SH3GL3: variants seen among roughly 807,000 people sequenced by gnomAD.
The protein encoded by SH3GL3 is SH3 domain containing GRB2 like 3, endophilin A3, also known as endophilin-A3.
In SH3GL3, 33 loss-of-function variants were observed where a neutral mutation model predicts 47.7. The ratio of observed to expected loss-of-function variants is 0.69; its 90% CI spans 0.52 to 0.92. SH3GL3 has a LOEUF of 0.92. SH3GL3 is among the 40% of genes least tolerant of loss of function. The pLI, the probability that SH3GL3 is intolerant of heterozygous loss-of-function variation, is 0.00. For synonymous variants in SH3GL3, 155 were observed against 148.8 expected (o/e 1.04, Z -0.30); for missense variants, 363 against 417.8 (o/e 0.87, Z 1.14).
At chr15:83,566,363 A>AGTGT (rs1420988424) in intron 3 of SH3GL3, among the ~76,000 whole-genome samples, 4,083 of 127,736 alleles carry the variant, frequency 0.032, 63 homozygotes, top group Non-Finnish European at 0.043. Flanking sequence ...AGAGAGAGAG[A>AGTGT]GAGTGTGTGT....
At chr15:83,568,695 G>T in intron 4 of SH3GL3, 23 bp downstream of exon 4, 1 of 1,598,556 alleles carries the variant, frequency 6.3e-7, no homozygotes, top group Non-Finnish European at 8.6e-7. Flanking sequence ...GAGATCAGCT[G>T]GGGGAGCTGA....
chr15:83,493,770 G>A (rs1051270649), intron 1 of SH3GL3, among the ~76,000 whole-genome samples: 5 of 152,202 alleles, frequency 3.3e-5, no homozygotes, highest in Non-Finnish European at 5.9e-5. Context: ...ACTGCTGGGC[G>A]GGAGGGAGGG....
chr15:83,595,463 T>C (rs2060213163), intron 8 of SH3GL3, among the ~76,000 whole-genome samples: 1 of 151,760 alleles, frequency 6.6e-6, no homozygotes, highest in Non-Finnish European at 1.5e-5. Flanking sequence ...ATACACTGTT[T>C]ACTCATATAA....
intron 8 of SH3GL3, among the ~76,000 whole-genome samples, chr15:83,610,975 C>CAA (rs200699726): frequency 1.1e-3 from 128 of 113,136 alleles, no homozygotes; most frequent in Admixed American, 2.4e-3. Context: ...GGACTTCAGC[C>CAA]AAAAAATATA....
At chr15:83,601,635 AG>A (rs1306532591) in intron 8 of SH3GL3, among the ~76,000 whole-genome samples, 1 of 152,136 alleles carries the variant, frequency 6.6e-6, no homozygotes. Context: ...TATGTTCATC[AG>A]GGATATTGGT....
At position 83,447,497 on chromosome 15, in the gene SH3GL3, C is replaced by A; in HGVS notation, c.-37C>A. 6.7e-7 allele frequency: 1 copy of A among 1,485,406 alleles called. No homozygotes were observed. The highest frequency in any genetic ancestry group is 1.3e-5 in the South Asian group (1 of 77,674). The allele number at this position is 1,485,406 out of a possible 1,614,324, so 92.0% of individuals were successfully genotyped here. On this transcript the variant is annotated 5_prime_UTR_variant, in exon 1 of 9. Coordinates refer to ENST00000427482, the MANE Select transcript of SH3GL3 (RefSeq NM_003027.5). This position sits in a 1 kb window ranked among gnomAD's most constrained non-coding sequence, Gnocchi z 5.1. ...GTCGCGGCCGCGTGGCCCAGCCGAG[C>A]CTTGAGACCACCCCGCCCCTGCCGG...
downstream of SH3GL3, among the ~76,000 whole-genome samples, chr15:83,623,318 G>A (rs1218210201): frequency 6.6e-6 from 1 of 152,226 alleles, no homozygotes; most frequent in African/African-American, 2.4e-5. Context: ...AGTTGGTGAT[G>A]TAGTCTGGGT....
intron 6 of SH3GL3, among the ~76,000 whole-genome samples, chr15:83,580,222 A>G (rs1322920133): frequency 6.6e-6 from 1 of 152,132 alleles, no homozygotes; most frequent in Non-Finnish European, 1.5e-5. Flanking sequence ...GAAGTCCTGC[A>G]TGAGGAGCTG....
At chr15:83,540,336 T>G (rs2044099155) in intron 1 of SH3GL3, among the ~76,000 whole-genome samples, 1 of 152,186 alleles carries the variant, frequency 6.6e-6, no homozygotes, top group Admixed American at 6.5e-5. Flanking sequence ...CTACTGATTG[T>G]TTTCGTCTGC....
intron 4 of SH3GL3, among the ~76,000 whole-genome samples, chr15:83,569,316 C>T (rs756710007): frequency 1.2e-4 from 19 of 152,064 alleles, no homozygotes; most frequent in Admixed American, 2.0e-4. Flanking sequence ...TGATCCATAT[C>T]GTAAAATAAT....
chr15:83,508,060 G>A (rs2151622857), intron 1 of SH3GL3, among the ~76,000 whole-genome samples: 1 of 152,130 alleles, frequency 6.6e-6, no homozygotes, highest in Non-Finnish European at 1.5e-5. Flanking sequence ...TCCTGCCTCA[G>A]CCTCCGGAGT....
intron 6 of SH3GL3, among the ~76,000 whole-genome samples, chr15:83,581,999 T>A (rs558983410): frequency 6.6e-6 from 1 of 152,214 alleles, no homozygotes; most frequent in Non-Finnish European, 1.5e-5. Context: ...CCAGGCCAAG[T>A]TGGGCTTGGC....
chr15:83,547,007 G>A (rs1447851059), intron 1 of SH3GL3, among the ~76,000 whole-genome samples: 2 of 152,162 alleles, frequency 1.3e-5, no homozygotes, highest in African/African-American at 4.8e-5. Context: ...GGTGATGCAA[G>A]CACTCCCTTG....
chr15:83,486,771 T>C (rs1440476693), intron 1 of SH3GL3, among the ~76,000 whole-genome samples: 1 of 152,218 alleles, frequency 6.6e-6, no homozygotes, highest in Non-Finnish European at 1.5e-5. Flanking sequence ...AACAGATGTT[T>C]ATTTTTCAGT....
At chr15:83,500,681 T>C (rs1177399632) in intron 1 of SH3GL3, among the ~76,000 whole-genome samples, 2 of 152,206 alleles carry the variant, frequency 1.3e-5, no homozygotes, top group Non-Finnish European at 2.9e-5. Context: ...CAATTTCCCT[T>C]CCTTTCTCCC....
In SH3GL3 at chr15:83,539,615, G is replaced by A. The variant is rs180761609; in HGVS notation, c.46-19638G>A. ...TTGCCTTTTTCTTCATGACTCATCA[G>A]AGTTCTTTTTAATATTTGAATGTGA... On this transcript the variant is annotated intron_variant, in intron 1 of 8. Coordinates refer to ENST00000427482, the MANE Select transcript of SH3GL3 (RefSeq NM_003027.5). 1.6e-3 allele frequency among the ~76,000 whole-genome samples: 239 copies of A among 152,222 alleles called. 2 individuals are homozygous for A. In the Middle Eastern group the frequency reaches 0.02, roughly 13 times the overall value.
chr15:83,571,010 G>A (rs1566997855), intron 4 of SH3GL3, among the ~76,000 whole-genome samples: 1 of 152,200 alleles, frequency 6.6e-6, no homozygotes, highest in Non-Finnish European at 1.5e-5. Context: ...CTTGGGATGA[G>A]GAAGAGAGCT....
intron 1 of SH3GL3, among the ~76,000 whole-genome samples, chr15:83,546,453 G>T (rs920310077): frequency 6.6e-6 from 1 of 150,616 alleles, no homozygotes; most frequent in Non-Finnish European, 1.5e-5. Flanking sequence ...CCCAGGGTGG[G>T]TTAAGGAATG....
intron 1 of SH3GL3, among the ~76,000 whole-genome samples, chr15:83,481,635 G>T (rs1452198555): frequency 6.6e-6 from 1 of 152,220 alleles, no homozygotes; most frequent in East Asian, 1.9e-4. Flanking sequence ...AAAGAGCACA[G>T]TGGTGCATTA....
Sources: allele counts gnomAD v4.1 joint callset (sites outside exome capture counted in the v4.1 genomes callset), GRCh38; gene constraint gnomAD v4.1.1; non-coding constraint Gnocchi (gnomAD v3.1); transcripts MANE v1.5; gene names NCBI Gene and HGNC (gene_info 2026-07-23, HGNC 2026-07-21).